GRIK2: variants seen among roughly 807,000 people sequenced by gnomAD.
GRIK2 encodes the protein glutamate ionotropic receptor kainate type subunit 2.
In GRIK2, 32 loss-of-function variants were observed where a neutral mutation model predicts 100.3. The observed-to-expected ratio is 0.32, with a 90% CI of 0.24 to 0.43. The LOEUF is 0.43. GRIK2 is among the 20% of genes least tolerant of loss of function. The pLI is 1.00. For missense variants in GRIK2, 843 were observed against 1,114.9 expected (o/e 0.76, Z 3.47); for synonymous variants, 417 against 389.4 (o/e 1.07, Z -0.83).
At chr6:101,978,329 T>C (rs1050340042) in intron 14 of GRIK2, among the ~76,000 whole-genome samples, 1 of 152,002 alleles carries the variant, frequency 6.6e-6, no homozygotes, top group Non-Finnish European at 1.5e-5. Context: ...GTTTTAAGAA[T>C]AGTATATGCA....
chr6:101,436,640 C>G (rs1769734753), intron 2 of GRIK2, among the ~76,000 whole-genome samples: 1 of 151,882 alleles, frequency 6.6e-6, no homozygotes, highest in Non-Finnish European at 1.5e-5. Flanking sequence ...GTATCTTCAG[C>G]AAATTTTCAG....
At chr6:101,851,504 T>C (rs1784123711) in intron 10 of GRIK2, among the ~76,000 whole-genome samples, 1 of 151,994 alleles carries the variant, frequency 6.6e-6, no homozygotes, top group Admixed American at 6.6e-5. Context: ...AATTTAACAA[T>C]GCAAACAGAA....
chr6:101,458,385 C>T (rs1400389965), intron 2 of GRIK2, among the ~76,000 whole-genome samples: 1 of 152,180 alleles, frequency 6.6e-6, no homozygotes. Context: ...TAATTTAGTG[C>T]TCCAAATATT....
chr6:101,538,106 A>G (rs941660335), intron 2 of GRIK2, among the ~76,000 whole-genome samples: 2 of 151,780 alleles, frequency 1.3e-5, no homozygotes, highest in Non-Finnish European at 3.0e-5. Context: ...TTTTGCTTAC[A>G]GTATGATTTT....
intron 2 of GRIK2, among the ~76,000 whole-genome samples, chr6:101,571,200 A>G (rs1388308259): frequency 6.6e-6 from 1 of 152,170 alleles, no homozygotes; most frequent in Admixed American, 6.6e-5. Context: ...CACAGTGATC[A>G]GTATTGATAT....
intron 2 of GRIK2, among the ~76,000 whole-genome samples, chr6:101,518,756 A>T (rs1012399465): frequency 6.6e-6 from 1 of 152,176 alleles, no homozygotes; most frequent in African/African-American, 2.4e-5. Flanking sequence ...TGCCTATAAA[A>T]GTTACTTGAC....
At chr6:101,566,805 C>A (rs1777297726) in intron 2 of GRIK2, among the ~76,000 whole-genome samples, 1 of 148,580 alleles carries the variant, frequency 6.7e-6, no homozygotes, top group South Asian at 2.1e-4. Context: ...ATATAAATGT[C>A]TATTATATAT....
intron 14 of GRIK2, among the ~76,000 whole-genome samples, chr6:101,967,750 T>A (rs1026937114): frequency 4.6e-5 from 7 of 152,062 alleles, no homozygotes; most frequent in Admixed American, 4.6e-4. Context: ...CAAACCAGAA[T>A]CTCATTCATG....
In GRIK2 at chr6:101,761,260, G is replaced by A. The variant is rs13437490; in HGVS notation, c.952-38388G>A. On this transcript the variant is annotated intron_variant, in intron 7 of 16. Transcript: ENST00000369134. Reference sequence around the variant, plus strand: ...ATGTGAATTGCTGGGTGGCCTTTGTGGTATGTCTGGTGCTGAGCAATAATA... The same window carrying A: ...ATGTGAATTGCTGGGTGGCCTTTGTAGTATGTCTGGTGCTGAGCAATAATA... Among the ~76,000 whole-genome samples, 1,484 of 152,182 alleles carry A rather than the reference G, an allele frequency of 9.8e-3. 24 individuals carry two copies. The highest frequency in any genetic ancestry group is 0.033 in the African/African-American group (1,357 of 41,510).
chr6:101,951,110 T>C (rs1359691903), intron 14 of GRIK2, among the ~76,000 whole-genome samples: 3 of 152,182 alleles, frequency 2.0e-5, no homozygotes, highest in Non-Finnish European at 4.4e-5. Context: ...GTGATGTTAG[T>C]AGAGAAATCA....
intron 14 of GRIK2, among the ~76,000 whole-genome samples, chr6:101,970,090 T>G (rs1240968256): frequency 6.6e-6 from 1 of 152,092 alleles, no homozygotes; most frequent in Admixed American, 6.6e-5. Context: ...ATGCCCTTTT[T>G]TTGGTGTTTG....
intron 14 of GRIK2, among the ~76,000 whole-genome samples, chr6:101,991,895 A>G (rs1794396020): frequency 1.3e-5 from 2 of 151,468 alleles, no homozygotes; most frequent in South Asian, 4.1e-4. Flanking sequence ...ATCATGTATG[A>G]CAGAGTTTTC....
In GRIK2 at chr6:101,980,588, C is replaced by T. The variant is rs192229033; in HGVS notation, c.2085+51956C>T. Among the ~76,000 whole-genome samples, 206 of 151,882 alleles carry T rather than the reference C, an allele frequency of 1.4e-3. 1 individual carries two copies. Among genetic ancestry groups the T allele is most frequent in the Non-Finnish European group, 9.4e-4 (64 of 67,876 alleles). On this transcript the variant is annotated intron_variant, in intron 14 of 16. Transcript: ENST00000369134. ...TATTTCCTATTTCATTACTATGTGC[C>T]ACCAAACTATGCACATTTCTTTGGT...
intron 16 of GRIK2, chr6:102,065,874 A>G: frequency 1.4e-6 from 2 of 1,456,144 alleles, no homozygotes; most frequent in Non-Finnish European, 1.8e-6. Context: ...CAGTGTTGTC[A>G]TCATCACCAT....
At chr6:101,650,413 A>G (rs1781729591) in intron 4 of GRIK2, among the ~76,000 whole-genome samples, 1 of 152,114 alleles carries the variant, frequency 6.6e-6, no homozygotes, top group Admixed American at 6.6e-5. Flanking sequence ...CCTCCTTTTC[A>G]GTTTAAGTCT....
At chr6:101,980,379 A>G (rs931044742) in intron 14 of GRIK2, among the ~76,000 whole-genome samples, 10 of 152,000 alleles carry the variant, frequency 6.6e-5, no homozygotes, top group South Asian at 4.1e-4. Flanking sequence ...TTAGAGATCT[A>G]TCAGTAGAAT....
At chr6:101,486,681 A>G (rs1772852304) in intron 2 of GRIK2, among the ~76,000 whole-genome samples, 1 of 148,488 alleles carries the variant, frequency 6.7e-6, no homozygotes. Context: ...CCACTTTTCA[A>G]CATCAATAAA....
intron 12 of GRIK2, among the ~76,000 whole-genome samples, chr6:101,909,144 A>G (rs1040510109): frequency 4.6e-4 from 70 of 151,254 alleles, no homozygotes; most frequent in African/African-American, 1.6e-3. Flanking sequence ...ATAAAATATT[A>G]TTAATAAAAA....
intron 14 of GRIK2, among the ~76,000 whole-genome samples, chr6:101,973,632 T>C (rs1793192384): frequency 6.6e-6 from 1 of 151,908 alleles, no homozygotes; most frequent in Non-Finnish European, 1.5e-5. Flanking sequence ...TATAAGATTG[T>C]TTATATTAAA....
Sources: allele counts gnomAD v4.1 joint callset (sites outside exome capture counted in the v4.1 genomes callset), GRCh38; gene constraint gnomAD v4.1.1; transcripts MANE v1.5; gene names NCBI Gene and HGNC (gene_info 2026-07-23, HGNC 2026-07-21).